The following NRP2 variants were observed in gnomAD, a reference collection of about 807,000 sequenced individuals.
NRP2 encodes neuropilin-2.
Under a neutral mutation model 110.4 loss-of-function variants are expected in NRP2, and 52 were observed. That is an observed-to-expected ratio of 0.47 (90% confidence interval 0.38 to 0.59). The LOEUF (loss-of-function observed/expected upper bound fraction) is 0.59. Among genes scored for constraint, NRP2 ranks in the 20% least tolerant of loss-of-function variants. The pLI is 0.00. For synonymous variants in NRP2, 508 were observed against 468.9 expected, an observed-to-expected ratio of 1.08 and a Z score of -1.08; for missense variants, 1,049 against 1,203.0, an observed-to-expected ratio of 0.87 and a Z score of 1.89.
intron 9 of NRP2, 62 bp from the exon 10 acceptor site, chr2:205,745,684 G>A: frequency 6.2e-7 from 1 of 1,605,166 alleles, no homozygotes; most frequent in Non-Finnish European, 8.5e-7. Context: ...GGAAGGAAAG[G>A]GAAGAAGGTG....
rs576231555 is a variant in NRP2, at chr2:205,763,574, G to A, written c.2045-100G>A. On this transcript the variant is annotated intron_variant, in intron 12 of 16. Coordinates refer to ENST00000357785, the MANE Select transcript of NRP2 (RefSeq NM_003872.3). This position sits in a 1 kb window ranked among gnomAD's most constrained non-coding sequence, Gnocchi z 4.0. The stretch of plus-strand genomic sequence containing the variant: ...AGGACATGAATAAACCAAAGACACC[G>A]AAACTCAGTCCCAACTTTCCCTTGG... 36 of 1,518,564 alleles carry A rather than the reference G, an allele frequency of 2.4e-5. No individual in the cohort carries two copies. Among genetic ancestry groups the A allele is most frequent in the East Asian group, 6.8e-5 (3 of 44,388 alleles). The allele number at this position is 1,518,564 out of a possible 1,614,324, so 94.1% of individuals were successfully genotyped here.
Position 205,686,218 on chromosome 2 carries a change from CCCT to C in NRP2, c.73+2874_73+2876del, listed in dbSNP as rs147331324. On this transcript the variant is annotated intron_variant, in intron 1 of 16. Coordinates refer to ENST00000357785, the MANE Select transcript of NRP2 (RefSeq NM_003872.3). This position sits in a 1 kb window ranked among gnomAD's most constrained non-coding sequence, Gnocchi z 4.7. ...CGCCTCCAACTACTCCATGCTTGTGCCCTCCTCCTCCTCCTCCTCCTAAGGACA... is the reference window on the plus strand; with the variant it reads ...CGCCTCCAACTACTCCATGCTTGTGCCCTCCTCCTCCTCCTCCTAAGGACA... Among the ~76,000 whole-genome samples, 4,280 of 151,980 alleles carry C rather than the reference CCCT, an allele frequency of 0.028. 97 individuals are homozygous for C. The highest frequency in any genetic ancestry group is 0.063 in the African/African-American group (2,615 of 41,466).
intron 2 of NRP2, among the ~76,000 whole-genome samples, chr2:205,699,490 T>C (rs2056507218): frequency 6.6e-6 from 1 of 152,188 alleles, no homozygotes; most frequent in African/African-American, 2.4e-5. Flanking sequence ...GTTGTATTCA[T>C]AGTGGCAGAG....
chr2:205,713,778 TA>T (rs2056843657), intron 2 of NRP2, among the ~76,000 whole-genome samples: 1 of 152,202 alleles, frequency 6.6e-6, no homozygotes, highest in Non-Finnish European at 1.5e-5. Flanking sequence ...AAACCATTTA[TA>T]AGCAAAATAT....
chr2:205,733,420 T>C (rs2105843287), intron 7 of NRP2, among the ~76,000 whole-genome samples: 1 of 152,294 alleles, frequency 6.6e-6, no homozygotes, highest in East Asian at 1.9e-4. Context: ...TCATGTTCCT[T>C]GCCCCAACCC....
In NRP2 at chr2:205,727,993, G is replaced by A. The variant is rs1450437678; in HGVS notation, c.1093G>A (p.Val365Ile). 2 of 1,614,198 alleles carry A rather than the reference G, an allele frequency of 1.2e-6. No homozygotes were observed. The highest frequency in any genetic ancestry group is 8.5e-7 in the Non-Finnish European group (1 of 1,180,042). Reference sequence around the variant, plus strand: ...CTATGTCAAATCCTACAAGCTGGAAGTCAGCACTAATGGAGAGGACTGGAT... The same window carrying A: ...CTATGTCAAATCCTACAAGCTGGAAATCAGCACTAATGGAGAGGACTGGAT... ...GYYVKSYKLE[V>I]STNGEDWMVY... is the part of the protein sequence containing the mutation. Residue 365 changes from valine to isoleucine, a missense_variant, in exon 7 of 17, where the codon GTC becomes ATC. Coordinates refer to ENST00000357785, the MANE Select transcript of NRP2 (RefSeq NM_003872.3).
chr2:205,755,231 G>A (rs1477219006), intron 12 of NRP2, among the ~76,000 whole-genome samples: 1 of 152,164 alleles, frequency 6.6e-6, no homozygotes, highest in East Asian at 1.9e-4. Context: ...TGGTTTGGGA[G>A]GGCTTTTCAG....
intron 14 of NRP2, among the ~76,000 whole-genome samples, chr2:205,766,464 A>G (rs1328546146): frequency 6.6e-6 from 1 of 152,230 alleles, no homozygotes; most frequent in Non-Finnish European, 1.5e-5. Context: ...CCAGGCATCT[A>G]AAAGTAATCC....
intron 15 of NRP2, among the ~76,000 whole-genome samples, chr2:205,789,561 C>T (rs921893418): frequency 2.6e-5 from 4 of 152,356 alleles, no homozygotes; most frequent in Admixed American, 2.6e-4. Context: ...ACTTCGGCAG[C>T]TAGGTCTGCC....
chr2:205,692,274 T>C (rs533491237), intron 1 of NRP2, among the ~76,000 whole-genome samples: 2 of 152,192 alleles, frequency 1.3e-5, no homozygotes, highest in Non-Finnish European at 2.9e-5. Context: ...CCTTAGGAAG[T>C]GGTCAAACAG....
chr2:205,749,173 C>G (rs887388525), intron 10 of NRP2, among the ~76,000 whole-genome samples: 1 of 152,148 alleles, frequency 6.6e-6, no homozygotes, highest in Non-Finnish European at 1.5e-5. Flanking sequence ...ATGTAAGATC[C>G]CAGCTTTCAC....
chr2:205,750,863 A>G (rs1225395960), intron 11 of NRP2, among the ~76,000 whole-genome samples: 1 of 152,232 alleles, frequency 6.6e-6, no homozygotes, highest in African/African-American at 2.4e-5. Flanking sequence ...GATGGAGTGG[A>G]TGACTCCAGA....
At chr2:205,717,009 T>A (rs2056911538) in intron 3 of NRP2, among the ~76,000 whole-genome samples, 2 of 152,210 alleles carry the variant, frequency 1.3e-5, no homozygotes, top group African/African-American at 4.8e-5. Flanking sequence ...TTGCTTTAAG[T>A]TGACTGCTTG....
At chr2:205,705,183 G>A (rs372026593) in intron 2 of NRP2, among the ~76,000 whole-genome samples, 80 of 144,102 alleles carry the variant, frequency 5.6e-4, no homozygotes, top group Non-Finnish European at 4.9e-4. Context: ...AATAATTCCA[G>A]AAAAAAAAAA....
intron 10 of NRP2, among the ~76,000 whole-genome samples, chr2:205,747,159 C>T (rs2057553125): frequency 2.0e-5 from 3 of 152,252 alleles, no homozygotes; most frequent in Admixed American, 6.5e-5. Context: ...CACTTCTGCC[C>T]ATGATACACA....
At chr2:205,712,619 T>A (rs1455648679) in intron 2 of NRP2, among the ~76,000 whole-genome samples, 1 of 152,168 alleles carries the variant, frequency 6.6e-6, no homozygotes, top group Non-Finnish European at 1.5e-5. Flanking sequence ...AAATCCCTCA[T>A]AATAAAAAAT....
At position 205,795,049 on chromosome 2, in the gene NRP2, C is replaced by G; in HGVS notation, c.2772C>G (p.Ser924=). The G allele has an allele frequency of 2.5e-6, 4 of 1,613,906 alleles. No individual in the cohort carries two copies. The highest frequency in any genetic ancestry group is 2.5e-6 in the Non-Finnish European group (3 of 1,179,896). ...KVKMNHQKCC[S]EA is the part of the protein sequence containing the mutation. ...AGATGAACCACCAAAAGTGCTGCTC[C>G]GAGGCATGACGGATTGCACCTGAAT... The change falls in exon 17 of 17, where the codon TCC becomes TCG. Residue 924 remains serine (S), a synonymous_variant. Coordinates refer to ENST00000357785, the MANE Select transcript of NRP2 (RefSeq NM_003872.3).
intron 1 of NRP2, among the ~76,000 whole-genome samples, chr2:205,685,224 A>C (rs901119536): frequency 2.6e-5 from 4 of 152,288 alleles, no homozygotes; most frequent in Admixed American, 6.5e-5. Flanking sequence ...AGAGAAGCCC[A>C]GAGGCGCGGA....
At chr2:205,693,635 G>A (rs2056359960) in intron 1 of NRP2, among the ~76,000 whole-genome samples, 1 of 152,186 alleles carries the variant, frequency 6.6e-6, no homozygotes, top group South Asian at 2.1e-4. Flanking sequence ...AGGTCAAATT[G>A]AGTGAGTTAA....
Sources: gnomAD v4.1 joint callset for allele counts (sites outside exome capture counted in the v4.1 genomes callset) on GRCh38, gnomAD v4.1.1 for gene constraint, Gnocchi (gnomAD v3.1) non-coding constraint, MANE v1.5 for transcripts, NCBI Gene and HGNC (gene_info 2026-07-23, HGNC 2026-07-21) for gene names.